The following PPP2R5B variants were observed in gnomAD, a reference collection of about 807,000 sequenced individuals.
PPP2R5B encodes the protein protein phosphatase 2 regulatory subunit B'beta.
PPP2R5B carries 19 observed loss-of-function variants against 59.9 expected under a neutral mutation model. That is an observed-to-expected ratio of 0.32 (90% CI 0.22 to 0.47). The LOEUF (loss-of-function observed/expected upper bound fraction) is 0.47. Among genes scored for constraint, PPP2R5B ranks in the 20% least tolerant of loss-of-function variants. The pLI, the probability that PPP2R5B is intolerant of heterozygous loss-of-function variation, is 1.00. For synonymous variants in PPP2R5B, 286 were observed against 260.5 expected, an observed-to-expected ratio of 1.10 and a Z score of -0.94; for missense variants, 441 against 640.2, an observed-to-expected ratio of 0.69 and a Z score of 3.36.
chr11:64,928,485 C>T (rs1175646354), intron 6 of PPP2R5B, 60 bp downstream of exon 6: 6 of 1,609,696 alleles, frequency 3.7e-6, no homozygotes, highest in Non-Finnish European at 5.1e-6. Flanking sequence ...TGTTAGAAGA[C>T]TGCGGCAAAG....
In PPP2R5B at chr11:64,934,400, A is replaced by AG. The variant is rs533593259; in HGVS notation, c.*563dup. On this transcript the variant is annotated 3_prime_UTR_variant, in exon 14 of 14. Coordinates refer to ENST00000164133, the MANE Select transcript of PPP2R5B (RefSeq NM_006244.4). The stretch of plus-strand genomic sequence containing the variant: ...AAGAGATTCACAGTGTCCTGGGGTA[A>AG]GGGGGGGTTCACAGTAATCATGGTC... 8.0e-5 allele frequency: 28 copies of AG among 349,152 alleles called. No individual in the cohort carries two copies. Among genetic ancestry groups the AG allele is most frequent in the South Asian group, 1.4e-4 (5 of 35,704 alleles). 21.6% of individuals were successfully genotyped at this position (349,152 alleles called of 1,614,324 possible).
chr11:64,931,769 G>A lies in PPP2R5B; in HGVS notation c.1017G>A (p.Met339Ile), dbSNP rs1945229683. 1 of 1,613,688 alleles carries A rather than the reference G, an allele frequency of 6.2e-7. No homozygotes were observed. Among genetic ancestry groups the A allele is most frequent in the African/African-American group, 1.3e-5 (1 of 75,038 alleles). ...TQKEVMFLGEMEEILDVIEPS... is the reference protein window; with the variant it reads ...TQKEVMFLGEIEEILDVIEPS... ...CCCAGGTGATGTTTCTGGGGGAGAT[G>A]GAAGAGATTCTTGATGTCATCGAGC... Residue 339 changes from methionine (M) to isoleucine (I), a missense_variant, in exon 11 of 14, where the codon ATG (methionine) becomes ATA (isoleucine). Met to Ile is a conservative substitution (Grantham distance 10, BLOSUM62 1). Coordinates refer to ENST00000164133, the MANE Select transcript of PPP2R5B (RefSeq NM_006244.4). The surrounding 1 kb of genome is among the most constrained non-coding windows in gnomAD (Gnocchi z 5.0).
chr11:64,927,584 G>C (rs186753725), intron 3 of PPP2R5B: 19 of 557,970 alleles, frequency 3.4e-5, no homozygotes, highest in Middle Eastern at 4.7e-4. Flanking sequence ...TGCTACTGTA[G>C]TCCAGCTACT....
In PPP2R5B at chr11:64,931,399, A is replaced by C; in HGVS notation, c.892-37A>C. On this transcript the variant is annotated intron_variant, in intron 8 of 13. Transcript: ENST00000164133. This position sits in a 1 kb window ranked among gnomAD's most constrained non-coding sequence, Gnocchi z 5.0. ...GTCCTTGGCGCCTGGTGCCTTCCTG[A>C]CCTGTCTTCCTTCCCTCCACCTGTC... The C allele has an allele frequency of 6.2e-7, 1 of 1,610,208 alleles. No homozygotes were observed. The highest frequency in any genetic ancestry group is 8.5e-7 in the Non-Finnish European group (1 of 1,176,946).
chr11:64,932,524 C>T (rs1945237436), intron 11 of PPP2R5B, among the ~76,000 whole-genome samples: 1 of 152,174 alleles, frequency 6.6e-6, no homozygotes, highest in South Asian at 2.1e-4. Context: ...AAATGCCTCT[C>T]CCAAGGTCAC....
Position 64,932,857 on chromosome 11 carries a change from G to A in PPP2R5B, c.1209G>A (p.Gly403=), listed in dbSNP as rs1279986596. 4 of 1,614,128 alleles carry A rather than the reference G, an allele frequency of 2.5e-6. No homozygotes were observed. Among genetic ancestry groups the A allele is most frequent in the South Asian group, 1.1e-5 (1 of 91,080 alleles). ...ACACTGTGCTGCCTGCTGTGTTTGG[G>A]ACCCTCTACCAAGTCTCCAAGGAGC... ...NCHTVLPAVF[G]TLYQVSKEHW... Residue 403 remains glycine (G), a synonymous_variant, in exon 12 of 14, where the codon GGG becomes GGA. Coordinates refer to ENST00000164133, the MANE Select transcript of PPP2R5B (RefSeq NM_006244.4).
Position 64,933,708 on chromosome 11 carries a change from A to G in PPP2R5B, c.1358A>G (p.Lys453Arg). 1 of 1,555,256 alleles carries G rather than the reference A, an allele frequency of 6.4e-7. No individual in the cohort carries two copies. Among genetic ancestry groups the G allele is most frequent in the South Asian group, 1.2e-5 (1 of 84,100 alleles). ...YKLEKQQEQQ[K>R]AQERQELWQG... Reference sequence around the variant, plus strand: ...CCCTCTCTCCCCAGGGAGCAGCAGAAGGCCCAGGAGCGTCAGGAGTTATGG... The same window carrying G: ...CCCTCTCTCCCCAGGGAGCAGCAGAGGGCCCAGGAGCGTCAGGAGTTATGG... Residue 453 changes from lysine (K) to arginine (R), a missense_variant, in exon 14 of 14, where the codon AAG becomes AGG. Transcript: ENST00000164133.
intron 13 of PPP2R5B, 139 bp from the exon 14 acceptor site, chr11:64,933,558 T>G: frequency 8.8e-7 from 1 of 1,132,592 alleles, no homozygotes; most frequent in Admixed American, 2.9e-5. Flanking sequence ...CAGTAGAGGG[T>G]TTTTATGGAG....
chr11:64,919,576 CA>C (rs71471962), intron 1 of PPP2R5B, among the ~76,000 whole-genome samples: 407 of 139,182 alleles, frequency 2.9e-3, no homozygotes, highest in African/African-American at 5.7e-3. Context: ...CCTGTGTCTA[CA>C]AAAAAAAAAA....
intron 3 of PPP2R5B, among the ~76,000 whole-genome samples, 185 bp downstream of exon 3, chr11:64,927,093 T>C (rs528787396): frequency 1.3e-5 from 2 of 152,226 alleles, no homozygotes; most frequent in South Asian, 4.1e-4. Flanking sequence ...CTGCCCCACG[T>C]CCACACCTTT....
In PPP2R5B at chr11:64,934,343, T is replaced by C; in HGVS notation, c.*499T>C. ...TACTTCCTTGTCCCCTTTTTATTTA[T>C]TGGGCAGGGGGAGGGGGAGGGCACA... On this transcript the variant is annotated 3_prime_UTR_variant, in exon 14 of 14. Coordinates refer to ENST00000164133, the MANE Select transcript of PPP2R5B (RefSeq NM_006244.4). The C allele has an allele frequency of 3.8e-6, 1 of 266,248 alleles. No homozygotes were observed. Among genetic ancestry groups the C allele is most frequent in the South Asian group, 5.0e-5 (1 of 19,880 alleles). 16.5% of individuals were successfully genotyped at this position (266,248 alleles called of 1,614,324 possible). A position where few individuals can be genotyped will look rare whatever the true frequency, so the allele number is the denominator to read the frequency against.
intron 8 of PPP2R5B, 150 bp downstream of exon 8, chr11:64,930,739 G>A (rs866206043): frequency 2.1e-5 from 14 of 679,420 alleles, no homozygotes; most frequent in East Asian, 1.4e-4. Flanking sequence ...TCCCACTGGC[G>A]CTTTAAGGCT....
At chr11:64,933,394 T>C (rs1451836339) in intron 13 of PPP2R5B, 148 bp downstream of exon 13, 4 of 743,066 alleles carry the variant, frequency 5.4e-6, no homozygotes, top group Non-Finnish European at 6.7e-6. Flanking sequence ...TATGCCTGAC[T>C]GTCTGCCCCT....
At chr11:64,926,929 C>T in intron 3 of PPP2R5B, 21 bp downstream of exon 3, 1 of 1,608,830 alleles carries the variant, frequency 6.2e-7, no homozygotes, top group Non-Finnish European at 8.5e-7. Flanking sequence ...GCCACCCAGG[C>T]TCCGAGGGCC....
chr11:64,934,183 C>T lies in PPP2R5B; in HGVS notation c.*339C>T, dbSNP rs879795094. 19 of 290,826 alleles carry T rather than the reference C, an allele frequency of 6.5e-5. No individual in the cohort carries two copies. The highest frequency in any genetic ancestry group is 1.9e-4 in the South Asian group (2 of 10,276). 18.0% of individuals were successfully genotyped at this position (290,826 alleles called of 1,614,324 possible). ...CCTTGGGCAAGGGCACTCAGCGCCT[C>T]GCCTGCCCCTGCCTTGGCCAATGCG... On this transcript the variant is annotated 3_prime_UTR_variant, in exon 14 of 14. Coordinates refer to ENST00000164133, the MANE Select transcript of PPP2R5B (RefSeq NM_006244.4).
In PPP2R5B at chr11:64,934,006, G is replaced by C; in HGVS notation, c.*162G>C. 1.1e-6 allele frequency: 1 copy of C among 880,384 alleles called. No individual in the cohort carries two copies. Among genetic ancestry groups the C allele is most frequent in the Non-Finnish European group, 1.6e-6 (1 of 626,670 alleles). The allele number at this position is 880,384 out of a possible 1,614,324, so 54.5% of individuals were successfully genotyped here. A position where few individuals can be genotyped will look rare whatever the true frequency, so the allele number is the denominator to read the frequency against. ...AGCTTTCACTGGGGGGAGACGAGGA[G>C]AGGCAATGGTGGTCTTGGCAACAGA... On this transcript the variant is annotated 3_prime_UTR_variant, in exon 14 of 14. Transcript: ENST00000164133.
chr11:64,925,372 C>A lies in PPP2R5B; in HGVS notation c.-264-99C>A, dbSNP rs976311920. 10 of 214,210 alleles carry A rather than the reference C, an allele frequency of 4.7e-5. No individual in the cohort carries two copies. The highest frequency in any genetic ancestry group is 1.9e-5 in the Non-Finnish European group (2 of 104,926). 13.3% of individuals were successfully genotyped at this position (214,210 alleles called of 1,614,324 possible). On this transcript the variant is annotated intron_variant, in intron 1 of 13. Transcript: ENST00000164133. This position sits in a 1 kb window ranked among gnomAD's most constrained non-coding sequence, Gnocchi z 4.6. ...CTGGGCAAGGATAGGAGGGAAAAGACCTGGGCACTCCACGCAGCCTCCCGG... is the reference window on the plus strand; with the variant it reads ...CTGGGCAAGGATAGGAGGGAAAAGAACTGGGCACTCCACGCAGCCTCCCGG...
chr11:64,928,073 A>G lies in PPP2R5B; in HGVS notation c.506A>G (p.Tyr169Cys). 6.2e-7 allele frequency: 1 copy of G among 1,614,138 alleles called. No individual in the cohort carries two copies. Among genetic ancestry groups the G allele is most frequent in the Non-Finnish European group, 8.5e-7 (1 of 1,179,994 alleles). The change falls in exon 5 of 14, where the codon TAT becomes TGT. Residue 169 changes from tyrosine to cysteine, a missense_variant. Transcript: ENST00000164133. ...TCTGTCCCCCTCCCCCAGCTGGTAT[A>G]TGAGTTTTTCCTGCGTTTCTTGGAG... is the stretch of plus-strand genomic sequence containing the variant. Reference protein sequence around the residue: ...EPSWPHLQLVYEFFLRFLESP... With the variant: ...EPSWPHLQLVCEFFLRFLESP...
At chr11:64,921,621 C>T (rs776091443), upstream of PPP2R5B, among the ~76,000 whole-genome samples, 2 of 152,110 alleles carry the variant, frequency 1.3e-5, no homozygotes, top group Non-Finnish European at 2.9e-5. Flanking sequence ...GAGGGAAGGG[C>T]TTTCATGGAG....
Sources: gnomAD v4.1 joint callset for allele counts (sites outside exome capture counted in the v4.1 genomes callset) on GRCh38, gnomAD v4.1.1 for gene constraint, Gnocchi (gnomAD v3.1) non-coding constraint, MANE v1.5 for transcripts, NCBI Gene and HGNC (gene_info 2026-07-23, HGNC 2026-07-21) for gene names.